KLF12: variants seen among roughly 807,000 people sequenced by gnomAD.
The protein encoded by KLF12 is Krueppel-like factor 12.
In KLF12, 9 loss-of-function variants were observed where a neutral mutation model predicts 37.8. The ratio of observed to expected loss-of-function variants is 0.24; its 90% CI spans 0.14 to 0.42. The LOEUF (loss-of-function observed/expected upper bound fraction) is 0.42. Ranked by LOEUF, KLF12 falls within the 10% of genes least tolerant of loss-of-function variation. The pLI, the probability that KLF12 is intolerant of heterozygous loss-of-function variation, is 1.00. For synonymous variants in KLF12, 208 were observed against 202.1 expected, an observed-to-expected ratio of 1.03 and a Z score of -0.25; for missense variants, 411 against 516.0, an observed-to-expected ratio of 0.80 and a Z score of 1.97.
chr13:74,060,488 G>GTGTGTGTGTGTGTGTGTGTGCGTC (rs1566523423), intron 1 of KLF12, among the ~76,000 whole-genome samples: 18 of 95,378 alleles, frequency 1.9e-4, no homozygotes, highest in African/African-American at 5.8e-4. Flanking sequence ...TAGGTTTTGT[G>GTGTGTGTGTGTGTGTGTGTGCGTC]TGTGTGTGTG....
the KLF12 span, among the ~76,000 whole-genome samples, chr13:74,163,869 C>T: frequency 7.0e-6 from 1 of 141,916 alleles, no homozygotes. Context: ...TATGTACCCA[C>T]AAAAATTTTA....
the KLF12 span, chr13:74,259,011 G>C: frequency 1.3e-5 from 2 of 152,224 alleles, no homozygotes; most frequent in Non-Finnish European, 2.9e-5. Context: ...AGAGAACTAG[G>C]GTACTGATCA....
chr13:74,232,458 C>G, the KLF12 span, among the ~76,000 whole-genome samples: 3 of 152,154 alleles, frequency 2.0e-5, no homozygotes, highest in Middle Eastern at 3.4e-3. Flanking sequence ...TGTATTATTT[C>G]TTGAACCAGA....
chr13:74,021,481 T>C (rs532106203), intron 1 of KLF12, among the ~76,000 whole-genome samples: 10 of 152,212 alleles, frequency 6.6e-5, no homozygotes, highest in Middle Eastern at 6.8e-3. Flanking sequence ...AAATGACTGC[T>C]GTGGAAGGGG....
intron 3 of KLF12, among the ~76,000 whole-genome samples, chr13:73,897,969 T>G (rs1887866020): frequency 1.3e-5 from 2 of 152,170 alleles, no homozygotes; most frequent in African/African-American, 4.8e-5. Context: ...ATTCTGAACT[T>G]TAAGTTCTTC....
chr13:74,175,882 A>C, the KLF12 span, among the ~76,000 whole-genome samples: 21 of 152,172 alleles, frequency 1.4e-4, no homozygotes, highest in African/African-American at 5.1e-4. Flanking sequence ...ATAACACATC[A>C]TCCTTGCCAA....
chr13:73,824,899 C>T (rs1883749535), intron 4 of KLF12, among the ~76,000 whole-genome samples: 1 of 152,104 alleles, frequency 6.6e-6, no homozygotes, highest in Admixed American at 6.5e-5. Flanking sequence ...GAAAACCCAT[C>T]TCTACTAAAA....
chr13:74,292,251 C>T, the KLF12 span, among the ~76,000 whole-genome samples: 930 of 152,256 alleles, frequency 6.1e-3, 6 homozygotes, highest in Non-Finnish European at 7.8e-3. Context: ...GTCAGACAGA[C>T]CTGAGTTCAA....
At chr13:74,242,509 A>T in the KLF12 span, among the ~76,000 whole-genome samples, 2 of 152,210 alleles carry the variant, frequency 1.3e-5, no homozygotes, top group Non-Finnish European at 2.9e-5. Flanking sequence ...TGATTCAATT[A>T]TCTCCCACTG....
intron 4 of KLF12, among the ~76,000 whole-genome samples, chr13:73,825,549 A>T (rs2138535943): frequency 6.6e-6 from 1 of 152,332 alleles, no homozygotes; most frequent in African/African-American, 2.4e-5. Context: ...GTGAAAAGAG[A>T]CATTTTCTAA....
intron 1 of KLF12, among the ~76,000 whole-genome samples, chr13:74,112,353 T>C (rs1409114904): frequency 6.7e-6 from 1 of 149,876 alleles, no homozygotes; most frequent in East Asian, 2.0e-4. Flanking sequence ...CCTTATTTTG[T>C]TACATTCCAT....
intron 4 of KLF12, chr13:73,844,943 A>G (rs1022907282): frequency 6.6e-6 from 1 of 152,150 alleles, no homozygotes; most frequent in Non-Finnish European, 1.5e-5. Context: ...CTGCATTTCT[A>G]TTGAGGGGTG....
At chr13:73,993,613 T>C (rs984553687) in intron 2 of KLF12, among the ~76,000 whole-genome samples, 2 of 152,216 alleles carry the variant, frequency 1.3e-5, no homozygotes, top group Admixed American at 6.5e-5. Flanking sequence ...AACATTTCCA[T>C]GTTTACATAG....
chr13:73,784,521 C>CG (rs1881187716), intron 5 of KLF12, among the ~76,000 whole-genome samples: 1 of 151,934 alleles, frequency 6.6e-6, no homozygotes, highest in Non-Finnish European at 1.5e-5. Flanking sequence ...TTGCTGACCC[C>CG]CCACTCCGCA....
At chr13:74,094,676 T>G (rs1875877574) in intron 1 of KLF12, among the ~76,000 whole-genome samples, 1 of 151,778 alleles carries the variant, frequency 6.6e-6, no homozygotes, top group Non-Finnish European at 1.5e-5. Context: ...CTCGGCTCAC[T>G]GCAACCTCCG....
At chr13:74,126,086 G>A (rs1344691918) in intron 1 of KLF12, among the ~76,000 whole-genome samples, 1 of 152,118 alleles carries the variant, frequency 6.6e-6, no homozygotes, top group Non-Finnish European at 1.5e-5. Flanking sequence ...ATAACATAGT[G>A]CATATAGCAC....
At chr13:74,207,867 C>T in the KLF12 span, among the ~76,000 whole-genome samples, 2 of 152,108 alleles carry the variant, frequency 1.3e-5, no homozygotes, top group African/African-American at 4.8e-5. Context: ...CCACCTGAGC[C>T]TACGGTGAAA....
chr13:74,163,575 G>A, the KLF12 span, among the ~76,000 whole-genome samples: 1 of 152,130 alleles, frequency 6.6e-6, no homozygotes. Flanking sequence ...CAGAGACTGG[G>A]AAGGGTTGTG....
chr13:74,065,872 C>G (rs9573345), intron 1 of KLF12, among the ~76,000 whole-genome samples: 83,689 of 151,608 alleles, frequency 0.55, 25,766 homozygotes, highest in East Asian at 0.87. Flanking sequence ...GAATCTCAAT[C>G]ATGAGCCCCT....
Sources: allele counts gnomAD v4.1 joint callset (sites outside exome capture counted in the v4.1 genomes callset), GRCh38; gene constraint gnomAD v4.1.1; transcripts MANE v1.5; gene names NCBI Gene and HGNC (gene_info 2026-07-23, HGNC 2026-07-21).